KCND2: variants seen among roughly 807,000 people sequenced by gnomAD.
KCND2 encodes the protein A-type voltage-gated potassium channel KCND2.
In KCND2, 16 loss-of-function variants were observed where a neutral mutation model predicts 54.4. The ratio of observed to expected loss-of-function variants is 0.29; its 90% CI spans 0.20 to 0.45. The LOEUF is 0.45. Among genes scored for constraint, KCND2 ranks in the 20% least tolerant of loss-of-function variants. The pLI is 1.00. For missense variants in KCND2, 486 were observed against 824.2 expected (o/e 0.59, Z 5.02); for synonymous variants, 317 against 310.7 (o/e 1.02, Z -0.21).
intron 1 of KCND2, among the ~76,000 whole-genome samples, chr7:120,709,396 A>G (rs1032836429): frequency 6.6e-6 from 1 of 152,188 alleles, no homozygotes. Context: ...GGATATGCAT[A>G]TGTATTTTGT....
intron 1 of KCND2, among the ~76,000 whole-genome samples, chr7:120,535,115 G>A (rs1252502224): frequency 6.6e-6 from 1 of 152,086 alleles, no homozygotes; most frequent in African/African-American, 2.4e-5. Flanking sequence ...ATCTTCTGGA[G>A]AATTATGGGC....
At chr7:120,551,622 C>G (rs1265161042) in intron 1 of KCND2, among the ~76,000 whole-genome samples, 4 of 152,074 alleles carry the variant, frequency 2.6e-5, no homozygotes, top group East Asian at 1.9e-4. Flanking sequence ...AAAAAATTGT[C>G]ACAAAATACT....
chr7:120,690,557 T>C (rs763535144), intron 1 of KCND2, among the ~76,000 whole-genome samples: 3 of 152,192 alleles, frequency 2.0e-5, no homozygotes, highest in Non-Finnish European at 4.4e-5. Context: ...GACACCTTTT[T>C]CTTTGCCTTC....
intron 1 of KCND2, among the ~76,000 whole-genome samples, chr7:120,398,180 C>CAT (rs910944553): frequency 1.1e-4 from 13 of 114,884 alleles, no homozygotes; most frequent in South Asian, 4.9e-4. Flanking sequence ...CACACACACA[C>CAT]ATATATATAT....
intron 1 of KCND2, among the ~76,000 whole-genome samples, chr7:120,620,588 A>G (rs554540007): frequency 6.6e-6 from 1 of 152,354 alleles, no homozygotes; most frequent in African/African-American, 2.4e-5. Flanking sequence ...CTTATTGTCC[A>G]GGAATTTAGA....
At chr7:120,526,125 A>G (rs1791769925) in intron 1 of KCND2, among the ~76,000 whole-genome samples, 1 of 152,156 alleles carries the variant, frequency 6.6e-6, no homozygotes, top group Non-Finnish European at 1.5e-5. Flanking sequence ...GTTCTTTAGT[A>G]TGCTGACATA....
chr7:120,722,371 T>C (rs542048563), intron 1 of KCND2, among the ~76,000 whole-genome samples: 4 of 152,234 alleles, frequency 2.6e-5, no homozygotes, highest in Admixed American at 6.5e-5. Flanking sequence ...AGGAGTAATA[T>C]GGGCATGGCC....
chr7:120,315,613 T>C (rs1252704195), intron 1 of KCND2, among the ~76,000 whole-genome samples: 1 of 152,122 alleles, frequency 6.6e-6, no homozygotes, highest in Non-Finnish European at 1.5e-5. Context: ...GCCACCCTTA[T>C]GGGATAGTCC....
chr7:120,728,689 A>G (rs886911336), intron 1 of KCND2, among the ~76,000 whole-genome samples: 1 of 152,056 alleles, frequency 6.6e-6, no homozygotes, highest in African/African-American at 2.4e-5. Context: ...AAAAATATAT[A>G]TATGAATATA....
chr7:120,493,380 T>A (rs190671618), intron 1 of KCND2, among the ~76,000 whole-genome samples: 9 of 152,156 alleles, frequency 5.9e-5, no homozygotes, highest in African/African-American at 7.2e-5. Flanking sequence ...TAGAGCTGTA[T>A]AATTGAATTA....
At chr7:120,678,358 TATATATATATATATAC>T (rs1167970877) in intron 1 of KCND2, among the ~76,000 whole-genome samples, 1 of 144,956 alleles carries the variant, frequency 6.9e-6, no homozygotes, top group East Asian at 2.1e-4. Flanking sequence ...TATATATATA[TATATATATATATATAC>T]GCACACACAC....
chr7:120,362,594 C>A (rs1197474753), intron 1 of KCND2, among the ~76,000 whole-genome samples: 1 of 152,046 alleles, frequency 6.6e-6, no homozygotes, highest in Non-Finnish European at 1.5e-5. Flanking sequence ...CATGCTCTAA[C>A]AGCTTACAGG....
intron 1 of KCND2, among the ~76,000 whole-genome samples, chr7:120,461,447 C>T (rs1802282558): frequency 6.6e-6 from 1 of 152,172 alleles, no homozygotes; most frequent in African/African-American, 2.4e-5. Flanking sequence ...CCTCCATCCC[C>T]TAGCCACGTT....
intron 1 of KCND2, among the ~76,000 whole-genome samples, chr7:120,307,737 G>T (rs1183530982): frequency 6.6e-6 from 1 of 152,070 alleles, no homozygotes; most frequent in Non-Finnish European, 1.5e-5. Flanking sequence ...TGTAAAATTG[G>T]AATTACTCTT....
chr7:120,336,631 G>A (rs1794724900), intron 1 of KCND2, among the ~76,000 whole-genome samples: 1 of 152,092 alleles, frequency 6.6e-6, no homozygotes, highest in Non-Finnish European at 1.5e-5. Flanking sequence ...CCTTCTCCAT[G>A]TAGAGATAGC....
chr7:120,578,914 T>TCACACACACACA (rs1190847553), intron 1 of KCND2, among the ~76,000 whole-genome samples: 2 of 127,080 alleles, frequency 1.6e-5, no homozygotes, highest in African/African-American at 7.8e-5. Context: ...CAAGACCCTG[T>TCACACACACACA]CTCACACACA....
chr7:120,415,925 C>T (rs934511780), intron 1 of KCND2, among the ~76,000 whole-genome samples: 5 of 152,252 alleles, frequency 3.3e-5, no homozygotes, highest in Admixed American at 6.5e-5. Flanking sequence ...AATCAGAAAC[C>T]GAGAAGTCAT....
chr7:120,616,371 T>C (rs1193624652), intron 1 of KCND2, among the ~76,000 whole-genome samples: 1 of 152,214 alleles, frequency 6.6e-6, no homozygotes, highest in Non-Finnish European at 1.5e-5. Context: ...TCCTATGCAC[T>C]ATTCTATATA....
chr7:120,405,950 A>C (rs1179078470), intron 1 of KCND2, among the ~76,000 whole-genome samples: 1 of 151,948 alleles, frequency 6.6e-6, no homozygotes, highest in African/African-American at 2.4e-5. Flanking sequence ...TTGGTTAGTG[A>C]TTTTTTTAAA....
Sources: gnomAD v4.1 joint callset for allele counts (sites outside exome capture counted in the v4.1 genomes callset) on GRCh38, gnomAD v4.1.1 for gene constraint, MANE v1.5 for transcripts, NCBI Gene and HGNC (gene_info 2026-07-23, HGNC 2026-07-21) for gene names.